The following WDPCP variants were observed in gnomAD, a reference collection of about 807,000 sequenced individuals.
The protein encoded by WDPCP is WD repeat containing planar cell polarity effector, also known as WD repeat-containing and planar cell polarity effector protein fritz homolog.
WDPCP carries 71 observed loss-of-function variants against 93.1 expected under a neutral mutation model. That is an observed-to-expected ratio of 0.76 (90% CI 0.63 to 0.93). The LOEUF (loss-of-function observed/expected upper bound fraction) is 0.93. Among genes scored for constraint, WDPCP ranks in the 40% least tolerant of loss-of-function variants. The probability of loss-of-function intolerance (pLI) is 0.00; values close to 1 mark genes in which losing one functional copy is unlikely to be tolerated. For missense variants in WDPCP, 844 were observed against 887.4 expected, an observed-to-expected ratio of 0.95 and a Z score of 0.62; for synonymous variants, 315 against 315.0, an observed-to-expected ratio of 1.00 and a Z score of 0.00.
At chr2:63,530,292 T>C (rs1703725507) in intron 1 of WDPCP, among the ~76,000 whole-genome samples, 1 of 152,360 alleles carries the variant, frequency 6.6e-6, no homozygotes, top group South Asian at 2.1e-4. Flanking sequence ...ATTGTGATGT[T>C]AGGGTGTCAA....
intron 3 of WDPCP, chr2:63,597,239 A>C: frequency 1.0e-6 from 1 of 959,294 alleles, no homozygotes; most frequent in Non-Finnish European, 1.2e-6. Context: ...ATGATTGTTA[A>C]ATTAATATAT....
At chr2:63,289,363 A>G (rs1684238042) in intron 13 of WDPCP, among the ~76,000 whole-genome samples, 1 of 152,112 alleles carries the variant, frequency 6.6e-6, no homozygotes, top group Admixed American at 6.5e-5. Flanking sequence ...TAATCATCCT[A>G]CACATTTTGA....
intron 2 of WDPCP, among the ~76,000 whole-genome samples, chr2:63,808,295 T>C (rs1171105794): frequency 6.9e-6 from 1 of 145,592 alleles, no homozygotes; most frequent in East Asian, 2.3e-4. Flanking sequence ...TCGCTCCCTC[T>C]CCCTCTCCCT....
At chr2:63,649,734 A>G (rs1365936214) in intron 3 of WDPCP, among the ~76,000 whole-genome samples, 1 of 152,148 alleles carries the variant, frequency 6.6e-6, no homozygotes, top group Non-Finnish European at 1.5e-5. Context: ...TTTTAATGGA[A>G]AAATTTAATT....
At chr2:63,359,623 C>T (rs1217116906) in intron 12 of WDPCP, among the ~76,000 whole-genome samples, 3 of 152,162 alleles carry the variant, frequency 2.0e-5, no homozygotes, top group Non-Finnish European at 4.4e-5. Context: ...CATGGCCTAG[C>T]ACCAGACTTA....
chr2:63,609,344 G>A (rs1471596224), intron 3 of WDPCP, among the ~76,000 whole-genome samples: 3 of 151,994 alleles, frequency 2.0e-5, no homozygotes, highest in African/African-American at 7.3e-5. Flanking sequence ...CTGGGTGACA[G>A]CAAGACTCCA....
At chr2:63,414,472 TACACAC>T (rs146569752) in intron 9 of WDPCP, among the ~76,000 whole-genome samples, 91 of 148,892 alleles carry the variant, frequency 6.1e-4, no homozygotes, top group Middle Eastern at 3.4e-3. Context: ...CACACACATA[TACACAC>T]ACACACACAC....
At chr2:63,334,362 A>C (rs1167855251) in intron 12 of WDPCP, among the ~76,000 whole-genome samples, 1 of 152,168 alleles carries the variant, frequency 6.6e-6, no homozygotes. Context: ...GTCAGAGCAC[A>C]GTTTGGTTTC....
intron 13 of WDPCP, among the ~76,000 whole-genome samples, chr2:63,269,994 A>G (rs1288380263): frequency 2.0e-5 from 3 of 152,196 alleles, no homozygotes; most frequent in Admixed American, 6.5e-5. Flanking sequence ...AGAATTGGGG[A>G]AAAATATCGT....
chr2:63,530,256 T>G (rs1016453701), intron 1 of WDPCP, among the ~76,000 whole-genome samples: 3 of 152,206 alleles, frequency 2.0e-5, no homozygotes, highest in Admixed American at 2.0e-4. Context: ...GTGAATGTGT[T>G]TGCTCTTGCT....
intron 1 of WDPCP, among the ~76,000 whole-genome samples, chr2:63,499,901 T>C (rs1701439522): frequency 6.6e-6 from 1 of 152,212 alleles, no homozygotes; most frequent in South Asian, 2.1e-4. Context: ...CCCACACACA[T>C]CAATGTTCCT....
rs1262701521 is a variant in WDPCP at position 63,120,914 on chromosome 2, C to G, written c.*1092G>C. 6.6e-6 allele frequency among the ~76,000 whole-genome samples: 1 copy of G among 151,926 alleles called. No homozygotes were observed. The highest frequency in any genetic ancestry group is 1.5e-5 in the Non-Finnish European group (1 of 67,986). Reference sequence around the variant, plus strand: ...AACTGTGAAGGGTATGAGATTTTACCCTACTTACTAGCTAACAAGTTACCA... The same window carrying G: ...AACTGTGAAGGGTATGAGATTTTACGCTACTTACTAGCTAACAAGTTACCA... On this transcript the variant is annotated 3_prime_UTR_variant, in exon 18 of 18. Transcript: ENST00000272321.
intron 2 of WDPCP, among the ~76,000 whole-genome samples, chr2:63,676,004 T>C (rs1326933347): frequency 6.6e-6 from 1 of 152,206 alleles, no homozygotes; most frequent in Non-Finnish European, 1.5e-5. Context: ...CTATATATTT[T>C]CTCTAGGACT....
At chr2:63,321,452 G>C (rs1420511474) in intron 12 of WDPCP, among the ~76,000 whole-genome samples, 1 of 150,306 alleles carries the variant, frequency 6.7e-6, no homozygotes, top group Non-Finnish European at 1.5e-5. Flanking sequence ...GCTCCTTATT[G>C]TTACTTTGCT....
intron 10 of WDPCP, among the ~76,000 whole-genome samples, chr2:63,399,934 C>A (rs911318595): frequency 3.9e-5 from 6 of 151,992 alleles, no homozygotes; most frequent in African/African-American, 1.5e-4. Context: ...AGATTTATTT[C>A]ATGTATTCAA....
intron 2 of WDPCP, among the ~76,000 whole-genome samples, chr2:63,810,761 A>T (rs1670852056): frequency 6.6e-6 from 1 of 152,204 alleles, no homozygotes; most frequent in Admixed American, 6.5e-5. Context: ...AGCAAAGGAG[A>T]AACAGGATCA....
At chr2:63,490,358 A>G (rs1700807147) in intron 2 of WDPCP, among the ~76,000 whole-genome samples, 1 of 152,170 alleles carries the variant, frequency 6.6e-6, no homozygotes, top group African/African-American at 2.4e-5. Flanking sequence ...GAGGTGATAA[A>G]GCATCAGGCT....
chr2:63,411,574 A>G (rs1203476706), intron 9 of WDPCP, among the ~76,000 whole-genome samples: 1 of 152,334 alleles, frequency 6.6e-6, no homozygotes, highest in East Asian at 1.9e-4. Context: ...AATACAAAAG[A>G]TAAATGCAAC....
At chr2:63,406,639 A>G (rs897711883) in intron 9 of WDPCP, among the ~76,000 whole-genome samples, 1 of 152,212 alleles carries the variant, frequency 6.6e-6, no homozygotes, top group African/African-American at 2.4e-5. Flanking sequence ...GAACCAGGGA[A>G]AACTCTATTT....
Sources: allele counts gnomAD v4.1 joint callset (sites outside exome capture counted in the v4.1 genomes callset), GRCh38; gene constraint gnomAD v4.1.1; transcripts MANE v1.5; gene names NCBI Gene and HGNC (gene_info 2026-07-23, HGNC 2026-07-21).